Variants in PRLR observed in about 807,000 individuals in gnomAD.
The protein encoded by PRLR is hPRL receptor.
A neutral mutation model predicts 40.2 loss-of-function variants in PRLR; 13 were observed. The observed-to-expected ratio is 0.32, with a 90% CI of 0.21 to 0.51. PRLR has a LOEUF of 0.51. PRLR is among the 20% of genes least tolerant of loss of function. The pLI is 0.97. For missense variants in PRLR, 656 were observed against 747.3 expected (o/e 0.88, Z 1.42); for synonymous variants, 269 against 278.7 (o/e 0.97, Z 0.35).
At chr5:35,107,421 A>G (rs1043629297) in intron 2 of PRLR, among the ~76,000 whole-genome samples, 1 of 152,204 alleles carries the variant, frequency 6.6e-6, no homozygotes, top group Admixed American at 6.5e-5. Context: ...CTCTTCAAAA[A>G]ATTAGTGAAT....
At chr5:35,177,428 C>A (rs557062970) in intron 1 of PRLR, among the ~76,000 whole-genome samples, 2 of 152,122 alleles carry the variant, frequency 1.3e-5, no homozygotes, top group Non-Finnish European at 2.9e-5. Context: ...ATTTTTTTCA[C>A]CACCTAAGGA....
intron 1 of PRLR, among the ~76,000 whole-genome samples, chr5:35,205,738 G>A (rs1775999797): frequency 6.6e-6 from 1 of 152,118 alleles, no homozygotes; most frequent in African/African-American, 2.4e-5. Context: ...AGGAGAATAG[G>A]CAATGGAAGA....
rs985928350 is a variant in PRLR at position 35,225,775 on chromosome 5, G to A, written c.-106+4493C>T. 5.3e-5 allele frequency among the ~76,000 whole-genome samples: 8 copies of A among 152,240 alleles called. No individual in the cohort carries two copies. In the East Asian group the frequency reaches 5.8e-4, roughly 11 times the overall value. On this transcript the variant is annotated intron_variant, in intron 1 of 9. Transcript: ENST00000618457. ...TGGCTCACTGCAACCTCCGCCTCCCGGGTTCAAGAGACTTTCCTGCCTCAG... is the reference window on the plus strand; with the variant it reads ...TGGCTCACTGCAACCTCCGCCTCCCAGGTTCAAGAGACTTTCCTGCCTCAG...
At chr5:35,101,707 TACATATATAAATATAAA>T (rs1439057660) in intron 2 of PRLR, among the ~76,000 whole-genome samples, 1 of 149,306 alleles carries the variant, frequency 6.7e-6, no homozygotes, top group African/African-American at 2.4e-5. Flanking sequence ...TATAAAAACA[TACATATATAAATATAAA>T]ACATATATAA....
intron 5 of PRLR, among the ~76,000 whole-genome samples, chr5:35,074,287 C>A (rs993525711): frequency 6.6e-6 from 1 of 151,586 alleles, no homozygotes; most frequent in Non-Finnish European, 1.5e-5. Flanking sequence ...GTGGTAAAAC[C>A]CCATCGCTAC....
chr5:35,206,820 T>C (rs901304243), intron 1 of PRLR, among the ~76,000 whole-genome samples: 1 of 152,022 alleles, frequency 6.6e-6, no homozygotes, highest in Non-Finnish European at 1.5e-5. Flanking sequence ...CAAGAAAGTA[T>C]GAAAATTATT....
chr5:35,102,125 GCCAAA>G (rs1376925351), intron 2 of PRLR, among the ~76,000 whole-genome samples: 3 of 152,074 alleles, frequency 2.0e-5, no homozygotes, highest in Non-Finnish European at 4.4e-5. Flanking sequence ...ACCACGCCCG[GCCAAA>G]CTTTTAATCT....
At chr5:35,093,319 T>A (rs1771337432) in intron 2 of PRLR, among the ~76,000 whole-genome samples, 1 of 152,182 alleles carries the variant, frequency 6.6e-6, no homozygotes, top group Admixed American at 6.5e-5. Context: ...CACTCCCCAC[T>A]GTCAACCCCT....
Position 35,086,969 on chromosome 5 carries a change from T to A in PRLR, c.71-629A>T, listed in dbSNP as rs568589683. Among the ~76,000 whole-genome samples the A allele has an allele frequency of 2.0e-5, 3 of 152,130 alleles. No individual in the cohort carries two copies. The South Asian group carries it at 6.2e-4, about 32-fold the overall frequency. Reference sequence around the variant, plus strand: ...CTTTCCTTCCTCTTTCCCCATCTTCTCCTTTCCTTCCCCTTTCCCTTCACT... The same window carrying A: ...CTTTCCTTCCTCTTTCCCCATCTTCACCTTTCCTTCCCCTTTCCCTTCACT... On this transcript the variant is annotated intron_variant, in intron 3 of 9. Coordinates refer to ENST00000618457, the MANE Select transcript of PRLR (RefSeq NM_000949.7).
Position 35,147,492 on chromosome 5 carries a change from C to T in PRLR, c.-105-29370G>A, listed in dbSNP as rs527475672. ...CTCAAAGTAGGAGTTGATAATCAGA[C>T]AATTTATGTCTTGCAGGACAGAGCT... On this transcript the variant is annotated intron_variant, in intron 1 of 9. Coordinates refer to ENST00000618457, the MANE Select transcript of PRLR (RefSeq NM_000949.7). Among the ~76,000 whole-genome samples the T allele has an allele frequency of 1.2e-4, 19 of 152,268 alleles. No individual in the cohort carries two copies. The South Asian group carries it at 3.9e-3, about 32-fold the overall frequency.
At position 35,064,767 on chromosome 5, in the gene PRLR, C is replaced by A. The variant is rs1769246413; in HGVS notation, c.*322G>T. ...CAATTTCATTTCCGTCTGTCCCATG[C>A]CAAATCATGAAAGCCTTTTCCAGAG... On this transcript the variant is annotated 3_prime_UTR_variant, in exon 10 of 10. Coordinates refer to ENST00000618457, the MANE Select transcript of PRLR (RefSeq NM_000949.7). The A allele has an allele frequency of 1.8e-5, 4 of 222,368 alleles. No homozygotes were observed. The South Asian group carries it at 5.1e-4, about 28-fold the overall frequency. The allele number at this position is 222,368 out of a possible 1,614,324, so 13.8% of individuals were successfully genotyped here. A position where few individuals can be genotyped will look rare whatever the true frequency, so the allele number is the denominator to read the frequency against.
intron 1 of PRLR, among the ~76,000 whole-genome samples, chr5:35,189,204 C>T (rs976213404): frequency 2.0e-5 from 3 of 152,162 alleles, no homozygotes; most frequent in African/African-American, 7.2e-5. Context: ...ACAGCCATGG[C>T]ACAGATTCTT....
intron 5 of PRLR, among the ~76,000 whole-genome samples, chr5:35,074,526 T>TATATATATATATATATATATA (rs1769949138): frequency 1.4e-5 from 2 of 147,728 alleles, no homozygotes; most frequent in African/African-American, 2.6e-5. Flanking sequence ...TATATATATA[T>TATATATATATATATATATATA]GAAATATCCA....
chr5:35,218,571 G>C (rs949882328), intron 1 of PRLR, among the ~76,000 whole-genome samples: 1 of 151,808 alleles, frequency 6.6e-6, no homozygotes, highest in Non-Finnish European at 1.5e-5. Flanking sequence ...AAGGAAGGAA[G>C]GTCTGTTACT....
At chr5:35,138,254 A>G (rs574815086) in intron 1 of PRLR, among the ~76,000 whole-genome samples, 3 of 152,240 alleles carry the variant, frequency 2.0e-5, no homozygotes, top group Non-Finnish European at 4.4e-5. Flanking sequence ...CAGTTTTGCA[A>G]GATGAAAAGA....
Position 35,174,153 on chromosome 5 carries a change from G to A in PRLR, c.-105-56031C>T, listed in dbSNP as rs745401868. Among the ~76,000 whole-genome samples, 17 of 151,092 alleles carry A rather than the reference G, an allele frequency of 1.1e-4. 1 individual carries two copies. Among genetic ancestry groups the A allele is most frequent in the Non-Finnish European group, 1.9e-4 (13 of 67,858 alleles). The stretch of plus-strand genomic sequence containing the variant: ...CACCCAAGCTAGAATGCAGTGGCGC[G>A]ATCTCGGCTCACTGCAACCTCTGCC... On this transcript the variant is annotated intron_variant, in intron 1 of 9. Transcript: ENST00000618457.
At chr5:35,101,495 A>G (rs144368909) in intron 2 of PRLR, among the ~76,000 whole-genome samples, 61 of 152,276 alleles carry the variant, frequency 4.0e-4, no homozygotes, top group African/African-American at 1.4e-3. Context: ...TAAAAATCGC[A>G]ATATCAGAAA....
chr5:35,087,123 T>C (rs1449195825), intron 3 of PRLR, among the ~76,000 whole-genome samples: 1 of 152,142 alleles, frequency 6.6e-6, no homozygotes, highest in Non-Finnish European at 1.5e-5. Flanking sequence ...CCTGAGCAGC[T>C]GGGATTACAG....
intron 2 of PRLR, among the ~76,000 whole-genome samples, chr5:35,101,974 C>T (rs367612680): frequency 4.6e-5 from 7 of 151,780 alleles, no homozygotes; most frequent in East Asian, 3.9e-4. Context: ...ATTACAGGTG[C>T]GTGCCACCAT....
Sources: gnomAD v4.1 joint callset for allele counts (sites outside exome capture counted in the v4.1 genomes callset) on GRCh38, gnomAD v4.1.1 for gene constraint, MANE v1.5 for transcripts, NCBI Gene and HGNC (gene_info 2026-07-23, HGNC 2026-07-21) for gene names.